The following LIPC variants were observed in gnomAD, a reference collection of about 807,000 sequenced individuals.
LIPC encodes the protein hepatic triacylglycerol lipase.
In LIPC, 44 loss-of-function variants were observed where a neutral mutation model predicts 50.7. The ratio of observed to expected loss-of-function variants is 0.87; its 90% CI spans 0.68 to 1.11. The LOEUF is 1.11. Ranked by LOEUF, LIPC falls within the 50% of genes most tolerant of loss-of-function variation. LIPC has a pLI of 0.00. For synonymous variants in LIPC, 271 were observed against 256.4 expected (o/e 1.06, Z -0.54); for missense variants, 697 against 648.2 (o/e 1.08, Z -0.82).
At chr15:58,453,021 G>T (rs963352090) in intron 1 of LIPC, among the ~76,000 whole-genome samples, 1 of 152,182 alleles carries the variant, frequency 6.6e-6, no homozygotes, top group Non-Finnish European at 1.5e-5. Context: ...CTTCTCCAAA[G>T]GTCCATGCCC....
At chr15:58,453,681 G>T (rs1337855250) in intron 1 of LIPC, among the ~76,000 whole-genome samples, 1 of 151,908 alleles carries the variant, frequency 6.6e-6, no homozygotes, top group Non-Finnish European at 1.5e-5. Flanking sequence ...CAGGTGGATT[G>T]CTTGACCCCA....
intron 6 of LIPC, among the ~76,000 whole-genome samples, chr15:58,554,697 C>A (rs1280198740): frequency 6.6e-6 from 1 of 151,814 alleles, no homozygotes; most frequent in African/African-American, 2.4e-5. Flanking sequence ...GATTTTGAGA[C>A]CAGCCTGAGC....
chr15:58,446,384 A>G (rs1213943472), intron 1 of LIPC, among the ~76,000 whole-genome samples: 1 of 152,148 alleles, frequency 6.6e-6, no homozygotes, highest in Non-Finnish European at 1.5e-5. Context: ...CCCCAGTACC[A>G]TCACCACACC....
At chr15:58,522,973 G>A (rs764014865) in intron 1 of LIPC, 7 of 152,336 alleles carry the variant, frequency 4.6e-5, no homozygotes, top group African/African-American at 1.4e-4. Context: ...CCAGAGCTGC[G>A]TGAGCACCAG....
At chr15:58,460,674 C>T (rs1894314661) in intron 1 of LIPC, among the ~76,000 whole-genome samples, 1 of 152,166 alleles carries the variant, frequency 6.6e-6, no homozygotes, top group Non-Finnish European at 1.5e-5. Flanking sequence ...ACTCAATGGC[C>T]CACTGCAGAG....
At chr15:58,434,758 A>G (rs1347802747) in intron 1 of LIPC, 1 of 45,162 alleles carries the variant, frequency 2.2e-5, no homozygotes, top group Non-Finnish European at 6.0e-5. Context: ...CGGTGTTGCC[A>G]TGAGAGCCAA....
intron 6 of LIPC, among the ~76,000 whole-genome samples, chr15:58,558,254 G>A (rs1248892082): frequency 1.4e-5 from 2 of 146,438 alleles, no homozygotes; most frequent in South Asian, 2.5e-4. Flanking sequence ...TGTATTTTTA[G>A]TAGAGACGGG....
intron 1 of LIPC, among the ~76,000 whole-genome samples, chr15:58,467,291 T>C (rs1236922020): frequency 6.6e-6 from 1 of 152,176 alleles, no homozygotes; most frequent in East Asian, 1.9e-4. Flanking sequence ...AACGTGCATG[T>C]CTCTCAGGGG....
rs151206391 is a variant in LIPC, at chr15:58,536,998, G to A, written c.89-1335G>A. Among the ~76,000 whole-genome samples, 629 of 152,282 alleles carry A rather than the reference G, an allele frequency of 4.1e-3. 6 individuals are homozygous for A. The highest frequency in any genetic ancestry group is 0.014 in the African/African-American group (593 of 41,542). ...GAATGATTTTATTCTCAGAAAGAAT[G>A]ATCAGGGTCCTTATTAAATGGGCTG... On this transcript the variant is annotated intron_variant, in intron 1 of 8. Coordinates refer to ENST00000299022, the MANE Select transcript of LIPC (RefSeq NM_000236.3).
intron 6 of LIPC, among the ~76,000 whole-genome samples, chr15:58,552,799 G>C (rs1439887105): frequency 6.6e-6 from 1 of 152,226 alleles, no homozygotes; most frequent in South Asian, 2.1e-4. Context: ...GGGATAAGGA[G>C]TGTCAAGAAT....
At chr15:58,473,088 C>G (rs1344896813) in intron 1 of LIPC, among the ~76,000 whole-genome samples, 1 of 152,170 alleles carries the variant, frequency 6.6e-6, no homozygotes. Context: ...GCAACAGCCT[C>G]TGCAGTCCCA....
intron 1 of LIPC, among the ~76,000 whole-genome samples, chr15:58,510,626 A>T (rs1892299560): frequency 6.6e-6 from 1 of 152,236 alleles, no homozygotes; most frequent in African/African-American, 2.4e-5. Flanking sequence ...AAACTGCCAA[A>T]CCCTAAAGTA....
chr15:58,472,270 CAA>C (rs35901617), intron 1 of LIPC, among the ~76,000 whole-genome samples: 21,845 of 87,020 alleles, frequency 0.25, 1,667 homozygotes, highest in African/African-American at 0.36. Context: ...CATTTGGTCT[CAA>C]AAAAAAAAAA....
chr15:58,542,119 G>C, intron 3 of LIPC, 152 bp downstream of exon 3: 1 of 951,642 alleles, frequency 1.1e-6, no homozygotes, highest in Non-Finnish European at 1.6e-6. Context: ...ACTGACACCA[G>C]ACCCCAGGGC....
In LIPC at chr15:58,546,005, C is replaced by T. The variant is rs117421299; in HGVS notation, c.808+30C>T. Reference sequence around the variant, plus strand: ...GAATGAAGTCATGGGCCGGGAGCACCGGCCTACATTTCAATGGGGCCTCTG... The same window carrying T: ...GAATGAAGTCATGGGCCGGGAGCACTGGCCTACATTTCAATGGGGCCTCTG... On this transcript the variant is annotated intron_variant, in intron 5 of 8. Transcript: ENST00000299022. 5.6e-4 allele frequency: 859 copies of T among 1,545,092 alleles called. 5 individuals are homozygous for T. The highest frequency in any genetic ancestry group is 3.4e-3 in the African/African-American group (248 of 73,576).
At chr15:58,549,685 C>G (rs1436707193) in intron 6 of LIPC, among the ~76,000 whole-genome samples, 1 of 152,216 alleles carries the variant, frequency 6.6e-6, no homozygotes, top group Non-Finnish European at 1.5e-5. Flanking sequence ...CTTTTGCTCT[C>G]CAGTCAGGTT....
At chr15:58,525,704 A>T (rs955614411) in intron 1 of LIPC, among the ~76,000 whole-genome samples, 1 of 152,204 alleles carries the variant, frequency 6.6e-6, no homozygotes, top group African/African-American at 2.4e-5. Flanking sequence ...GAAGATTCTC[A>T]GCACTGATCT....
intron 1 of LIPC, among the ~76,000 whole-genome samples, chr15:58,489,503 G>C (rs1891506760): frequency 6.6e-6 from 1 of 152,112 alleles, no homozygotes; most frequent in African/African-American, 2.4e-5. Flanking sequence ...AAATCATAGG[G>C]TTATGGAAAA....
chr15:58,544,391 C>CTTTTT lies in LIPC; in HGVS notation c.575-1348_575-1347insTTTTT, dbSNP rs572161614. Among the ~76,000 whole-genome samples the CTTTTT allele has an allele frequency of 9.4e-4, 104 of 110,250 alleles. 6 individuals are homozygous for CTTTTT. The highest frequency in any genetic ancestry group is 1.4e-3 in the African/African-American group (42 of 30,220). The allele number at this position is 110,250 out of a possible 152,430, so 72.3% of individuals were successfully genotyped here. ...CATATCAGGACATTTTTCTTTTTCT[C>CTTTTT]TTTCTTTTTTTTTTTTTTTTTTGAG... On this transcript the variant is annotated intron_variant, in intron 4 of 8. Transcript: ENST00000299022.
Sources: gnomAD v4.1 joint callset for allele counts (sites outside exome capture counted in the v4.1 genomes callset) on GRCh38, gnomAD v4.1.1 for gene constraint, MANE v1.5 for transcripts, NCBI Gene and HGNC (gene_info 2026-07-23, HGNC 2026-07-21) for gene names.